The following PALS2 variants were observed in gnomAD, a reference collection of about 807,000 sequenced individuals.
PALS2 encodes protein PALS2.
A neutral mutation model predicts 61.6 loss-of-function variants in PALS2; 27 were observed. The observed-to-expected ratio is 0.44, with a 90% confidence interval of 0.32 to 0.60. The LOEUF (loss-of-function observed/expected upper bound fraction) is 0.60. PALS2 is among the 20% of genes least tolerant of loss of function. PALS2 has a pLI of 0.05. For missense variants in PALS2, 554 were observed against 639.4 expected (o/e 0.87, Z 1.44); for synonymous variants, 236 against 218.6 (o/e 1.08, Z -0.70).
At chr7:24,616,393 A>G (rs1784294397) in intron 1 of PALS2, among the ~76,000 whole-genome samples, 1 of 152,218 alleles carries the variant, frequency 6.6e-6, no homozygotes, top group East Asian at 1.9e-4. Flanking sequence ...GTATTTCTAT[A>G]TACAAACAAC....
At chr7:24,659,268 A>C (rs1397881073) in intron 5 of PALS2, among the ~76,000 whole-genome samples, 1 of 152,132 alleles carries the variant, frequency 6.6e-6, no homozygotes, top group Non-Finnish European at 1.5e-5. Context: ...GCCTAGGTTG[A>C]TTTCATATCT....
chr7:24,679,950 GT>G (rs1350308103), intron 10 of PALS2, among the ~76,000 whole-genome samples: 1 of 152,064 alleles, frequency 6.6e-6, no homozygotes, highest in Non-Finnish European at 1.5e-5. Context: ...TTCTTCAGGG[GT>G]TTTATTAAAT....
chr7:24,683,543 T>C (rs1788042409), intron 11 of PALS2, among the ~76,000 whole-genome samples: 1 of 152,022 alleles, frequency 6.6e-6, no homozygotes, highest in African/African-American at 2.4e-5. Flanking sequence ...TTCATGACGC[T>C]GATAGTCTTG....
At chr7:24,621,226 G>C (rs749278953) in intron 1 of PALS2, among the ~76,000 whole-genome samples, 83 of 151,942 alleles carry the variant, frequency 5.5e-4, no homozygotes, top group Non-Finnish European at 1.0e-3. Flanking sequence ...CCTCTTGTTC[G>C]CTTCTTTACC....
intron 1 of PALS2, among the ~76,000 whole-genome samples, chr7:24,612,686 T>C (rs1278352511): frequency 6.6e-6 from 1 of 151,872 alleles, no homozygotes; most frequent in Non-Finnish European, 1.5e-5. Flanking sequence ...TTTTCTGTGT[T>C]GCTCTTATTT....
chr7:24,622,627 A>G (rs1035859471), intron 1 of PALS2, among the ~76,000 whole-genome samples: 1 of 151,618 alleles, frequency 6.6e-6, no homozygotes, highest in Non-Finnish European at 1.5e-5. Context: ...CTGCAAATAT[A>G]AATTGTTTTA....
intron 2 of PALS2, among the ~76,000 whole-genome samples, chr7:24,625,972 C>A (rs909707533): frequency 1.2e-4 from 18 of 152,070 alleles, no homozygotes; most frequent in African/African-American, 4.3e-4. Flanking sequence ...AAAAAAGAGG[C>A]ACACATTGCT....
At chr7:24,586,936 G>C (rs938211601) in intron 1 of PALS2, among the ~76,000 whole-genome samples, 2 of 152,238 alleles carry the variant, frequency 1.3e-5, no homozygotes, top group East Asian at 3.9e-4. Flanking sequence ...GGCAAAGGCA[G>C]TCTCTGGATT....
intron 1 of PALS2, chr7:24,589,052 A>G (rs1254568728): frequency 6.6e-6 from 1 of 152,196 alleles, no homozygotes; most frequent in Non-Finnish European, 1.5e-5. Context: ...TGGTCAGGAT[A>G]TGATTTGTAG....
chr7:24,627,189 A>G (rs959716946), intron 2 of PALS2, among the ~76,000 whole-genome samples: 3 of 152,224 alleles, frequency 2.0e-5, no homozygotes, highest in Admixed American at 1.3e-4. Context: ...GTGCAATCAA[A>G]TTAGAACTCA....
intron 1 of PALS2, among the ~76,000 whole-genome samples, chr7:24,610,479 A>G (rs1005541650): frequency 2.2e-4 from 34 of 152,206 alleles, no homozygotes; most frequent in Non-Finnish European, 4.6e-4. Context: ...GTAAATACCT[A>G]TGGAATTAGC....
chr7:24,679,368 T>G, intron 10 of PALS2, 35 bp downstream of exon 10: 1 of 1,600,996 alleles, frequency 6.2e-7, no homozygotes, highest in Non-Finnish European at 8.5e-7. Flanking sequence ...GTTTTATATT[T>G]TATTTTCTGT....
At chr7:24,655,310 T>G (rs1244962081) in intron 5 of PALS2, among the ~76,000 whole-genome samples, 3 of 152,184 alleles carry the variant, frequency 2.0e-5, no homozygotes. Flanking sequence ...ATGATACTAT[T>G]TTTTTACGTT....
rs542850224 is a variant in PALS2 at position 24,666,964 on chromosome 7, C to T, written c.952+875C>T. ...AATTTTAAAAGTACTTTCTTGACTT[C>T]AGAGCTACCTCTATGCTGGTAATAA... On this transcript the variant is annotated intron_variant, in intron 8 of 11. Coordinates refer to ENST00000222644, the MANE Select transcript of PALS2 (RefSeq NM_001303037.2). The T allele has an allele frequency of 2.6e-5, 4 of 152,252 alleles. No individual in the cohort carries two copies. In the South Asian group the frequency reaches 6.2e-4, roughly 24 times the overall value. 9.4% of individuals were successfully genotyped at this position (152,252 alleles called of 1,614,324 possible). A position where few individuals can be genotyped will look rare whatever the true frequency, so the allele number is the denominator to read the frequency against.
chr7:24,691,742 T>A lies in PALS2; in HGVS notation c.*4128T>A, dbSNP rs1788489504. On this transcript the variant is annotated 3_prime_UTR_variant, in exon 12 of 12. Transcript: ENST00000222644. Reference sequence around the variant, plus strand: ...CCCCTTTGGAAATTCTTATTTAAACTTTTGAATGAATCTTTAATATGATTC... The same window carrying A: ...CCCCTTTGGAAATTCTTATTTAAACATTTGAATGAATCTTTAATATGATTC... 6.6e-6 allele frequency: 1 copy of A among 152,004 alleles called. No homozygotes were observed. Among genetic ancestry groups the A allele is most frequent in the African/African-American group, 2.4e-5 (1 of 41,414 alleles). 9.4% of individuals were successfully genotyped at this position (152,004 alleles called of 1,614,324 possible).
chr7:24,584,489 G>A (rs192318268), intron 1 of PALS2, among the ~76,000 whole-genome samples: 12,375 of 118,560 alleles, frequency 0.1, 436 homozygotes, highest in East Asian at 0.25. Flanking sequence ...CATGTCCTTC[G>A]CCCACTTTTT....
intron 1 of PALS2, among the ~76,000 whole-genome samples, chr7:24,607,531 GTATA>G (rs749590067): frequency 4.6e-5 from 7 of 150,896 alleles, no homozygotes; most frequent in Non-Finnish European, 8.8e-5. Flanking sequence ...ATATGTGTGT[GTATA>G]TATACACGTG....
chr7:24,665,819 T>G, intron 7 of PALS2, 132 bp downstream of exon 7: 3 of 970,164 alleles, frequency 3.1e-6, no homozygotes. Flanking sequence ...TTTCTCTCGC[T>G]CATAAGTAAT....
intron 2 of PALS2, among the ~76,000 whole-genome samples, chr7:24,630,803 A>C (rs1046582293): frequency 6.6e-6 from 1 of 152,256 alleles, no homozygotes; most frequent in Non-Finnish European, 1.5e-5. Context: ...CTGGAACAAC[A>C]AAACCTAGCT....
Sources: gnomAD v4.1 joint callset for allele counts (sites outside exome capture counted in the v4.1 genomes callset) on GRCh38, gnomAD v4.1.1 for gene constraint, MANE v1.5 for transcripts, NCBI Gene and HGNC (gene_info 2026-07-23, HGNC 2026-07-21) for gene names.